Variants in DYRK1A observed in about 807,000 individuals in gnomAD.
DYRK1A encodes the protein dual specificity tyrosine phosphorylation regulated kinase 1A.
A neutral mutation model predicts 79.7 loss-of-function variants in DYRK1A; 9 were observed. The observed-to-expected ratio is 0.11, with a 90% CI of 0.07 to 0.20. The LOEUF is 0.20. Among genes scored for constraint, DYRK1A ranks in the 10% least tolerant of loss-of-function variants. The pLI is 1.00. For missense variants in DYRK1A, 622 were observed against 956.0 expected (o/e 0.65, Z 4.61); for synonymous variants, 349 against 329.7 (o/e 1.06, Z -0.63).
chr21:37,498,658 T>C (rs2053347777), intron 9 of DYRK1A, among the ~76,000 whole-genome samples: 1 of 152,178 alleles, frequency 6.6e-6, no homozygotes, highest in Non-Finnish European at 1.5e-5. Flanking sequence ...GGAACAGTCT[T>C]TTATACATAT....
At chr21:37,407,571 A>G (rs901813725) in intron 1 of DYRK1A, among the ~76,000 whole-genome samples, 5 of 152,212 alleles carry the variant, frequency 3.3e-5, no homozygotes, top group Non-Finnish European at 7.3e-5. Flanking sequence ...AGTAAGGCAT[A>G]TAACCTCTCT....
intron 1 of DYRK1A, among the ~76,000 whole-genome samples, chr21:37,392,350 C>T (rs866100310): frequency 3.8e-4 from 58 of 152,080 alleles, no homozygotes; most frequent in Admixed American, 1.6e-3. Context: ...CTCATTAGTT[C>T]CTTCCTTTCT....
intron 1 of DYRK1A, among the ~76,000 whole-genome samples, chr21:37,379,450 A>G (rs375462214): frequency 2.2e-4 from 34 of 152,368 alleles, no homozygotes; most frequent in African/African-American, 7.2e-4. Flanking sequence ...GCAGTATACT[A>G]AAAGGTTCTA....
At chr21:37,472,589 C>T in intron 2 of DYRK1A, 95 bp from the exon 3 acceptor site, 1 of 1,105,662 alleles carries the variant, frequency 9.0e-7, no homozygotes, top group Non-Finnish European at 1.2e-6. Context: ...TATTGAATAT[C>T]CTAAAGTTCT....
intron 2 of DYRK1A, among the ~76,000 whole-genome samples, chr21:37,429,394 T>C (rs2050714275): frequency 6.6e-6 from 1 of 152,200 alleles, no homozygotes; most frequent in African/African-American, 2.4e-5. Context: ...GAAAAGAGTT[T>C]TAATTGGTAC....
At chr21:37,495,866 T>C (rs1241934639) in intron 8 of DYRK1A, among the ~76,000 whole-genome samples, 1 of 152,188 alleles carries the variant, frequency 6.6e-6, no homozygotes, top group East Asian at 1.9e-4. Context: ...TCATCTTTCC[T>C]TACTGTTCAA....
intron 2 of DYRK1A, among the ~76,000 whole-genome samples, chr21:37,435,172 CTTGT>C (rs1569319109): frequency 1.3e-5 from 2 of 152,148 alleles, no homozygotes; most frequent in African/African-American, 4.8e-5. Flanking sequence ...AATTTCATTT[CTTGT>C]TTATTGCTTG....
intron 2 of DYRK1A, among the ~76,000 whole-genome samples, chr21:37,437,824 A>G (rs1030647916): frequency 6.6e-6 from 1 of 152,138 alleles, no homozygotes; most frequent in Non-Finnish European, 1.5e-5. Flanking sequence ...TTGTTGTACA[A>G]CTTTTTGTAT....
intron 2 of DYRK1A, among the ~76,000 whole-genome samples, chr21:37,438,375 A>G (rs554186636): frequency 1.3e-5 from 2 of 152,220 alleles, no homozygotes; most frequent in South Asian, 2.1e-4. Flanking sequence ...AAGTTTTTGC[A>G]TAATTGTCCC....
At chr21:37,452,674 G>A (rs574926936) in intron 2 of DYRK1A, among the ~76,000 whole-genome samples, 1 of 152,034 alleles carries the variant, frequency 6.6e-6, no homozygotes, top group African/African-American at 2.4e-5. Flanking sequence ...AGGGGAGCAG[G>A]GAGAGGAATC....
At chr21:37,503,471 GA>G (rs1225012997) in intron 9 of DYRK1A, 1 of 152,194 alleles carries the variant, frequency 6.6e-6, no homozygotes, top group African/African-American at 2.4e-5. Context: ...ACCCAGGCTA[GA>G]GTGCAATGGT....
At chr21:37,487,635 T>G (rs1202325926) in intron 6 of DYRK1A, 1 of 152,170 alleles carries the variant, frequency 6.6e-6, no homozygotes, top group East Asian at 1.9e-4. Flanking sequence ...ACAGATCTTT[T>G]AAGAAAACGT....
intron 11 of DYRK1A, among the ~76,000 whole-genome samples, chr21:37,511,454 A>C (rs953135789): frequency 2.0e-5 from 3 of 152,244 alleles, no homozygotes; most frequent in Non-Finnish European, 2.9e-5. Context: ...AGGTAGACTC[A>C]TAAGTTCTTG....
chr21:37,451,087 A>C (rs2051431749), intron 2 of DYRK1A, among the ~76,000 whole-genome samples: 1 of 152,202 alleles, frequency 6.6e-6, no homozygotes, highest in Admixed American at 6.5e-5. Context: ...AAAAAAATGA[A>C]AGCTTACAGA....
chr21:37,453,542 G>T (rs928462987), intron 2 of DYRK1A, among the ~76,000 whole-genome samples: 1 of 152,206 alleles, frequency 6.6e-6, no homozygotes, highest in Admixed American at 6.5e-5. Context: ...GTCAGCACGT[G>T]ACTGATGGAG....
chr21:37,452,918 A>G (rs1426480059), intron 2 of DYRK1A, among the ~76,000 whole-genome samples: 1 of 152,126 alleles, frequency 6.6e-6, no homozygotes. Flanking sequence ...CCACTTATGT[A>G]ATTTAAATTT....
chr21:37,403,634 TAAA>T (rs11349987), intron 1 of DYRK1A, among the ~76,000 whole-genome samples: 13,862 of 119,500 alleles, frequency 0.12, 878 homozygotes, highest in East Asian at 0.17. Flanking sequence ...CTCAGCTAAT[TAAA>T]AAAAAAAAAA....
chr21:37,460,812 T>C (rs1421284822), intron 2 of DYRK1A, among the ~76,000 whole-genome samples: 1 of 152,238 alleles, frequency 6.6e-6, no homozygotes, highest in African/African-American at 2.4e-5. Flanking sequence ...GGTGGTATTA[T>C]CTGCTTTATT....
intron 2 of DYRK1A, among the ~76,000 whole-genome samples, chr21:37,464,796 C>G (rs2051969415): frequency 6.6e-6 from 1 of 152,170 alleles, no homozygotes; most frequent in South Asian, 2.1e-4. Context: ...ATGATCATCC[C>G]TGTTACAGGA....
Sources: gnomAD v4.1 joint callset for allele counts (sites outside exome capture counted in the v4.1 genomes callset) on GRCh38, gnomAD v4.1.1 for gene constraint, MANE v1.5 for transcripts, NCBI Gene and HGNC (gene_info 2026-07-23, HGNC 2026-07-21) for gene names.